PCDHA2: variants seen among roughly 807,000 people sequenced by gnomAD.
PCDHA2 encodes protocadherin alpha 2.
PCDHA2 carries 58 observed loss-of-function variants against 66.0 expected under a neutral mutation model. The observed-to-expected ratio is 0.88, with a 90% CI of 0.71 to 1.09. PCDHA2 has a LOEUF of 1.09. Ranked by LOEUF, PCDHA2 falls within the 50% of genes least tolerant of loss-of-function variation. The pLI is 0.00. For missense variants in PCDHA2, 1,267 were observed against 1,242.3 expected (o/e 1.02, Z -0.30); for synonymous variants, 634 against 554.0 (o/e 1.14, Z -2.03).
Position 141,000,361 on chromosome 5 carries a change from G to GTCTCTCTC in PCDHA2, c.2537-9238_2537-9231dup, listed in dbSNP as rs148596731. 4.9e-4 allele frequency among the ~76,000 whole-genome samples: 13 copies of GTCTCTCTC among 26,444 alleles called. No individual in the cohort carries two copies. In the East Asian group the frequency reaches 6.3e-3, roughly 13 times the overall value. The allele number at this position is 26,444 out of a possible 152,430, so 17.3% of individuals were successfully genotyped here. A position where few individuals can be genotyped will look rare whatever the true frequency, so the allele number is the denominator to read the frequency against. ...CCTATCTCTCTCTCTGTCTCTCTCT[G>GTCTCTCTC]TCTCTCTCTCTCTCTCTCTCTCTCT... is the stretch of plus-strand genomic sequence containing the variant. On this transcript the variant is annotated intron_variant, in intron 3 of 3. Coordinates refer to ENST00000526136, the MANE Select transcript of PCDHA2 (RefSeq NM_018905.3).
chr5:140,954,843 G>T (rs1011520662), intron 1 of PCDHA2, among the ~76,000 whole-genome samples: 4 of 152,058 alleles, frequency 2.6e-5, no homozygotes, highest in African/African-American at 9.7e-5. Flanking sequence ...TGAAATCTTT[G>T]CCTGTGCCTA....
At chr5:140,823,656 A>G (rs2150127966) in intron 1 of PCDHA2, 2 of 1,613,972 alleles carry the variant, frequency 1.2e-6, no homozygotes, top group Non-Finnish European at 1.7e-6. Flanking sequence ...GGCTGTACAC[A>G]GGCGAGATCA....
chr5:140,876,258 C>G lies in PCDHA2; in HGVS notation c.2388+78906C>G, dbSNP rs782047443. ...ATGTCCAAAACGACACAAGAGTGAT[C>G]CAACTAAATGCTTCCGATCCAGACG... On this transcript the variant is annotated intron_variant, in intron 1 of 3. Coordinates refer to ENST00000526136, the MANE Select transcript of PCDHA2 (RefSeq NM_018905.3). 4 of 1,613,968 alleles carry G rather than the reference C, an allele frequency of 2.5e-6. No homozygotes were observed. The East Asian group carries it at 8.9e-5, about 36-fold the overall frequency.
intron 3 of PCDHA2, among the ~76,000 whole-genome samples, chr5:140,992,192 C>T (rs2097497943): frequency 6.6e-6 from 1 of 152,124 alleles, no homozygotes; most frequent in Admixed American, 6.5e-5. Flanking sequence ...TTTCAGTGAT[C>T]TATCCAATCA....
chr5:140,871,011 G>C, intron 1 of PCDHA2: 1 of 1,613,324 alleles, frequency 6.2e-7, no homozygotes, highest in Non-Finnish European at 8.5e-7. Context: ...CGCGTGCCCT[G>C]GACGAGGCAG....
At chr5:140,904,164 T>C (rs1475689291) in intron 1 of PCDHA2, among the ~76,000 whole-genome samples, 1 of 152,078 alleles carries the variant, frequency 6.6e-6, no homozygotes, top group Non-Finnish European at 1.5e-5. Flanking sequence ...CAGTTTGTAG[T>C]CTTTTATTCC....
chr5:140,938,207 A>G (rs782001361), intron 1 of PCDHA2, among the ~76,000 whole-genome samples: 6 of 152,112 alleles, frequency 3.9e-5, no homozygotes, highest in Non-Finnish European at 8.8e-5. Flanking sequence ...CAGCCTCCCA[A>G]AGTGCTGGGA....
intron 1 of PCDHA2, chr5:140,884,280 A>G: frequency 6.2e-7 from 1 of 1,613,576 alleles, no homozygotes; most frequent in Non-Finnish European, 8.5e-7. Context: ...TCGCTGGTGG[A>G]GAGCGGCCAA....
At chr5:140,836,001 G>T (rs1405342443) in intron 1 of PCDHA2, 5 of 1,613,350 alleles carry the variant, frequency 3.1e-6, no homozygotes, top group African/African-American at 2.7e-5. Flanking sequence ...CGCGCGCGAT[G>T]CGGGCGTGCC....
In PCDHA2 at chr5:140,900,825, C is replaced by T. The variant is rs568337253; in HGVS notation, c.2389-78124C>T. On this transcript the variant is annotated intron_variant, in intron 1 of 3. Coordinates refer to ENST00000526136, the MANE Select transcript of PCDHA2 (RefSeq NM_018905.3). Reference sequence around the variant, plus strand: ...TGCTTGTACTAATTTACATTCCCACCAACAATGTACAAAGTTTCCCTTTTT... The same window carrying T: ...TGCTTGTACTAATTTACATTCCCACTAACAATGTACAAAGTTTCCCTTTTT... Among the ~76,000 whole-genome samples, 8 of 152,276 alleles carry T rather than the reference C, an allele frequency of 5.3e-5. No homozygotes were observed. The South Asian group carries it at 1.7e-3, about 32-fold the overall frequency.
intron 1 of PCDHA2, chr5:140,807,983 G>A (rs782039700): frequency 1.9e-6 from 3 of 1,613,482 alleles, no homozygotes; most frequent in East Asian, 2.2e-5. Flanking sequence ...TAAACTTAAC[G>A]CCTCAGATTT....
intron 1 of PCDHA2, chr5:140,869,394 G>A (rs782128248): frequency 6.2e-7 from 1 of 1,614,078 alleles, no homozygotes; most frequent in Non-Finnish European, 8.5e-7. Flanking sequence ...AGCTGTGCGG[G>A]CAGAGCGCGG....
intron 1 of PCDHA2, chr5:140,843,065 C>T (rs1554139692): frequency 6.3e-7 from 1 of 1,595,232 alleles, no homozygotes; most frequent in Non-Finnish European, 8.6e-7. Flanking sequence ...CAAGCTGGTG[C>T]CGCGGTCTGT....
chr5:140,861,591 A>G, intron 1 of PCDHA2: 1 of 374,610 alleles, frequency 2.7e-6, no homozygotes, highest in South Asian at 2.5e-5. Context: ...TGTGGAGGTG[A>G]AAGTGAAGAA....
At chr5:140,981,332 G>A (rs1407839547) in intron 2 of PCDHA2, among the ~76,000 whole-genome samples, 1 of 152,182 alleles carries the variant, frequency 6.6e-6, no homozygotes, top group Non-Finnish European at 1.5e-5. Context: ...CCAGCACTTT[G>A]GGAGGGTGAG....
In PCDHA2 at chr5:140,852,586, T is replaced by TTA. The variant is rs1554145914; in HGVS notation, c.2388+55235_2388+55236insAT. On this transcript the variant is annotated intron_variant, in intron 1 of 3. Transcript: ENST00000526136. ...CCACTGTGCCAAGGCTTTTTTATTTTTTTTTTTTGTCATTTTCTTTCAAAA... is the reference window on the plus strand; with the variant it reads ...CCACTGTGCCAAGGCTTTTTTATTTTTATTTTTTTTGTCATTTTCTTTCAAAA... 25 of 878,568 alleles carry TTA rather than the reference T, an allele frequency of 2.8e-5. 1 individual carries two copies. The highest frequency in any genetic ancestry group is 1.3e-4 in the Admixed American group (2 of 15,686). 54.4% of individuals were successfully genotyped at this position (878,568 alleles called of 1,614,324 possible).
chr5:140,900,354 C>T (rs376691648), intron 1 of PCDHA2, among the ~76,000 whole-genome samples: 68 of 151,986 alleles, frequency 4.5e-4, no homozygotes, highest in African/African-American at 1.2e-3. Context: ...CTTGGCTCAC[C>T]GCAACCTCTG....
chr5:140,803,385 G>A (rs782489307), intron 1 of PCDHA2: 8 of 1,614,100 alleles, frequency 5.0e-6, no homozygotes, highest in East Asian at 4.5e-5. Context: ...GCCAACCGAA[G>A]GCGACTGTGG....
At chr5:140,855,757 G>C (rs1242521250) in intron 1 of PCDHA2, 2 of 357,032 alleles carry the variant, frequency 5.6e-6, no homozygotes, top group African/African-American at 2.1e-5. Flanking sequence ...GGCTTTGAAA[G>C]TCCATAGACA....
Sources: gnomAD v4.1 joint callset for allele counts (sites outside exome capture counted in the v4.1 genomes callset) on GRCh38, gnomAD v4.1.1 for gene constraint, MANE v1.5 for transcripts, NCBI Gene and HGNC (gene_info 2026-07-23, HGNC 2026-07-21) for gene names.